DPYD: variants seen among roughly 807,000 people sequenced by gnomAD.
DPYD encodes dihydropyrimidine dehydrogenase.
DPYD carries 109 observed loss-of-function variants against 116.2 expected under a neutral mutation model. The observed-to-expected ratio is 0.94, with a 90% confidence interval of 0.80 to 1.10. DPYD has a LOEUF of 1.10. Ranked by LOEUF, DPYD falls within the 50% of genes least tolerant of loss-of-function variation. DPYD has a pLI of 0.00. For missense variants in DPYD, 1,302 were observed against 1,254.5 expected (o/e 1.04, Z -0.57); for synonymous variants, 440 against 432.0 (o/e 1.02, Z -0.23).
intron 18 of DPYD, among the ~76,000 whole-genome samples, chr1:97,305,027 T>C (rs1260209232): frequency 6.6e-6 from 1 of 151,970 alleles, no homozygotes; most frequent in Non-Finnish European, 1.5e-5. Flanking sequence ...TAGGAAAGCA[T>C]GGACCACAAG....
intron 14 of DPYD, among the ~76,000 whole-genome samples, chr1:97,431,770 C>T (rs1183003658): frequency 6.6e-6 from 1 of 151,940 alleles, no homozygotes; most frequent in African/African-American, 2.4e-5. Flanking sequence ...ACTATATTAG[C>T]CCTATTATAT....
intron 16 of DPYD, among the ~76,000 whole-genome samples, chr1:97,348,173 C>T (rs553943986): frequency 3.7e-4 from 57 of 152,224 alleles, no homozygotes; most frequent in Non-Finnish European, 6.8e-4. Flanking sequence ...GATTAACAAA[C>T]ATAATGTCCT....
At chr1:97,236,650 TAC>T (rs61477464) in intron 18 of DPYD, among the ~76,000 whole-genome samples, 2 of 151,554 alleles carry the variant, frequency 1.3e-5, no homozygotes, top group Non-Finnish European at 2.9e-5. Flanking sequence ...GTTATACATT[TAC>T]ACACACACAC....
intron 13 of DPYD, among the ~76,000 whole-genome samples, chr1:97,452,881 A>G (rs919983407): frequency 6.6e-6 from 1 of 151,870 alleles, no homozygotes; most frequent in African/African-American, 2.4e-5. Flanking sequence ...AATTAAACTT[A>G]TTTTTCTTCA....
At chr1:97,204,687 C>A (rs1207611191) in intron 19 of DPYD, among the ~76,000 whole-genome samples, 1 of 152,124 alleles carries the variant, frequency 6.6e-6, no homozygotes, top group African/African-American at 2.4e-5. Flanking sequence ...TTCCCTTACT[C>A]AGAGGGTTTT....
chr1:97,745,375 A>C (rs2101082104), intron 3 of DPYD, among the ~76,000 whole-genome samples: 1 of 152,246 alleles, frequency 6.6e-6, no homozygotes, highest in Admixed American at 6.5e-5. Context: ...ATAGCTATTT[A>C]TCTACTAGAA....
chr1:97,828,223 A>G (rs1669340362), intron 2 of DPYD, 27 bp from the exon 3 acceptor site: 4 of 1,601,280 alleles, frequency 2.5e-6, no homozygotes, highest in Non-Finnish European at 3.4e-6. Flanking sequence ...AATTGCATTA[A>G]TTCTCTAAGA....
chr1:97,782,055 C>A (rs1666775114), intron 3 of DPYD, among the ~76,000 whole-genome samples: 1 of 152,126 alleles, frequency 6.6e-6, no homozygotes, highest in South Asian at 2.1e-4. Flanking sequence ...AAAAGTGCAA[C>A]ACTGGAAGGT....
chr1:97,140,576 C>G (rs1400318139), intron 20 of DPYD, among the ~76,000 whole-genome samples: 2 of 152,158 alleles, frequency 1.3e-5, no homozygotes, highest in Non-Finnish European at 2.9e-5. Context: ...TCATATGCTT[C>G]ATCCTTTCCC....
Position 97,228,668 on chromosome 1 carries a change from A to C in DPYD, c.2442+6184T>G, listed in dbSNP as rs1295992407. Among the ~76,000 whole-genome samples, 5 of 152,340 alleles carry C rather than the reference A, an allele frequency of 3.3e-5. No homozygotes were observed. The East Asian group carries it at 9.6e-4, about 29-fold the overall frequency. Reference sequence around the variant, plus strand: ...GCACCATAACCTAGATATTTAAATCAATTTCATTTGTCTGGTTATACCTGC... The same window carrying C: ...GCACCATAACCTAGATATTTAAATCCATTTCATTTGTCTGGTTATACCTGC... On this transcript the variant is annotated intron_variant, in intron 19 of 22. Transcript: ENST00000370192.
At chr1:97,208,161 TTTC>T (rs1415829314) in intron 19 of DPYD, among the ~76,000 whole-genome samples, 9 of 151,968 alleles carry the variant, frequency 5.9e-5, no homozygotes, top group Non-Finnish European at 1.2e-4. Context: ...CTCTTTCTTT[TTTC>T]TTTTCTTTTC....
intron 8 of DPYD, among the ~76,000 whole-genome samples, chr1:97,677,226 G>A (rs905848120): frequency 6.6e-6 from 1 of 151,952 alleles, no homozygotes; most frequent in African/African-American, 2.4e-5. Flanking sequence ...TCAATGTATT[G>A]GTTATTTTAT....
intron 14 of DPYD, among the ~76,000 whole-genome samples, chr1:97,424,247 A>G (rs1215882245): frequency 1.3e-5 from 2 of 152,090 alleles, no homozygotes; most frequent in Non-Finnish European, 2.9e-5. Flanking sequence ...ACCTATAGTA[A>G]TGGGTGTTTC....
chr1:97,183,300 C>T (rs75298523), intron 20 of DPYD, among the ~76,000 whole-genome samples: 3,560 of 152,078 alleles, frequency 0.023, 140 homozygotes, highest in African/African-American at 0.081. Context: ...GTGAGGTAGA[C>T]ATGAGGTTTA....
At chr1:97,332,178 G>A (rs188638746) in intron 16 of DPYD, among the ~76,000 whole-genome samples, 1 of 152,170 alleles carries the variant, frequency 6.6e-6, no homozygotes, top group African/African-American at 2.4e-5. Flanking sequence ...GTAATCTGAA[G>A]TCTGAGCTGC....
intron 12 of DPYD, among the ~76,000 whole-genome samples, chr1:97,521,878 C>T (rs1214135537): frequency 6.6e-6 from 1 of 152,076 alleles, no homozygotes; most frequent in Non-Finnish European, 1.5e-5. Flanking sequence ...GAAACTGGAC[C>T]CCTTCCTTAC....
rs74921409 is a variant in DPYD at position 97,670,667 on chromosome 1, C to T, written c.850+8428G>A. Among the ~76,000 whole-genome samples, 424 of 152,248 alleles carry T rather than the reference C, an allele frequency of 2.8e-3. 1 individual carries two copies. The highest frequency in any genetic ancestry group is 1.0e-2 in the African/African-American group (414 of 41,544). ...AGCCCAGCAAGACTAAGATAATACCCATAGTATATGTTCACTAATAACCCC... is the reference window on the plus strand; with the variant it reads ...AGCCCAGCAAGACTAAGATAATACCTATAGTATATGTTCACTAATAACCCC... On this transcript the variant is annotated intron_variant, in intron 8 of 22. Coordinates refer to ENST00000370192, the MANE Select transcript of DPYD (RefSeq NM_000110.4).
intron 20 of DPYD, among the ~76,000 whole-genome samples, chr1:97,140,930 T>C (rs1654169432): frequency 6.6e-6 from 1 of 152,192 alleles, no homozygotes; most frequent in African/African-American, 2.4e-5. Context: ...AATACTGTTT[T>C]TTCCCAATAA....
chr1:97,654,532 G>T (rs531172641), intron 8 of DPYD, among the ~76,000 whole-genome samples: 2 of 151,974 alleles, frequency 1.3e-5, no homozygotes, highest in Non-Finnish European at 2.9e-5. Flanking sequence ...ATATTTTCAC[G>T]ATTATGTGAG....
Sources: gnomAD v4.1 joint callset for allele counts (sites outside exome capture counted in the v4.1 genomes callset) on GRCh38, gnomAD v4.1.1 for gene constraint, MANE v1.5 for transcripts, NCBI Gene and HGNC (gene_info 2026-07-23, HGNC 2026-07-21) for gene names.